SMPD3: variants seen among roughly 807,000 people sequenced by gnomAD.
SMPD3 encodes sphingomyelin phosphodiesterase 3.
Under a neutral mutation model 55.7 loss-of-function variants are expected in SMPD3, and 21 were observed. The ratio of observed to expected loss-of-function variants is 0.38; its 90% CI spans 0.27 to 0.54. The LOEUF (loss-of-function observed/expected upper bound fraction) is 0.54, where lower values mean the gene tolerates loss of function less well. Ranked by LOEUF, SMPD3 falls within the 20% of genes least tolerant of loss-of-function variation. The pLI, the probability that SMPD3 is intolerant of heterozygous loss-of-function variation, is 0.80. For missense variants in SMPD3, 842 were observed against 899.6 expected, an observed-to-expected ratio of 0.94 and a Z score of 0.82; for synonymous variants, 457 against 404.3, an observed-to-expected ratio of 1.13 and a Z score of -1.56.
chr16:68,438,529 G>A (rs2090542095), intron 1 of SMPD3, among the ~76,000 whole-genome samples: 1 of 152,088 alleles, frequency 6.6e-6, no homozygotes, highest in Non-Finnish European at 1.5e-5. Flanking sequence ...TTGCCTATGA[G>A]CTTTTTTGGT....
chr16:68,439,813 G>A (rs1186900319), intron 1 of SMPD3, among the ~76,000 whole-genome samples: 1 of 152,224 alleles, frequency 6.6e-6, no homozygotes, highest in Admixed American at 6.5e-5. Flanking sequence ...ATGGACCCAT[G>A]GCCTGCCCTA....
At chr16:68,414,783 G>A (rs1333941502) in intron 1 of SMPD3, among the ~76,000 whole-genome samples, 2 of 152,226 alleles carry the variant, frequency 1.3e-5, no homozygotes, top group African/African-American at 4.8e-5. Context: ...CACATGGGCT[G>A]CCGGGAGGGG....
In SMPD3 at chr16:68,361,223, C is replaced by G; in HGVS notation, c.1951G>C (p.Gly651Arg). The G allele has an allele frequency of 6.2e-7, 1 of 1,613,858 alleles. No homozygotes were observed. Among genetic ancestry groups the G allele is most frequent in the Non-Finnish European group, 8.5e-7 (1 of 1,179,944 alleles). The change falls in exon 9 of 9, where the codon GGG becomes CGG. Residue 651 changes from glycine (G) to arginine (R), a missense_variant. Coordinates refer to ENST00000219334, the MANE Select transcript of SMPD3 (RefSeq NM_018667.4). ...CGGACGGTCTATGCCTCCTCCTCCC[C>G]CGAAGACACCATCAGTCGCATGGCT... The part of the protein sequence containing the change: ...PVAMRLMVSS[G>R]EEEA
At chr16:68,420,225 G>A (rs1418484468) in intron 1 of SMPD3, among the ~76,000 whole-genome samples, 11 of 152,072 alleles carry the variant, frequency 7.2e-5, no homozygotes, top group Admixed American at 7.2e-4. Flanking sequence ...TTATACGTGT[G>A]AGCCACCATG....
chr16:68,372,173 C>A lies in SMPD3; in HGVS notation c.9G>T (p.Leu3Phe). 1 of 1,611,846 alleles carries A rather than the reference C, an allele frequency of 6.2e-7. No individual in the cohort carries two copies. The highest frequency in any genetic ancestry group is 8.5e-7 in the Non-Finnish European group (1 of 1,179,296). Residue 3 changes from leucine (L) to phenylalanine (F), a missense_variant, in exon 3 of 9, where the codon TTG becomes TTT. Coordinates refer to ENST00000219334, the MANE Select transcript of SMPD3 (RefSeq NM_018667.4). MV[L>F]YTTPFPNSCL... is the part of the protein sequence containing the mutation. ...AGCTGTTAGGAAAGGGGGTCGTGTA[C>A]AAAACCATCGCAGCTCACTGGGCGC...
intron 5 of SMPD3, chr16:68,364,395 T>TA: frequency 3.9e-6 from 1 of 254,532 alleles, no homozygotes; most frequent in African/African-American, 2.3e-5. Flanking sequence ...TCAGGGTTGT[T>TA]AAGACACTTA....
chr16:68,371,571 A>C lies in SMPD3; in HGVS notation c.611T>G (p.Ile204Ser), dbSNP rs372991867. The C allele has an allele frequency of 6.3e-7, 1 of 1,588,552 alleles. No homozygotes were observed. Among genetic ancestry groups the C allele is most frequent in the Non-Finnish European group, 8.6e-7 (1 of 1,169,312 alleles). Residue 204 changes from isoleucine to serine, a missense_variant, in exon 3 of 9, where the codon ATT becomes AGT. Coordinates refer to ENST00000219334, the MANE Select transcript of SMPD3 (RefSeq NM_018667.4). The stretch of plus-strand genomic sequence containing the variant: ...GTACTCCACAGAGGCTGTCCTCTTA[A>C]TGCTCCCGGGGACGGCCCGGGCCAC... ...DGVARAVPGS[I>S]KRTASVEYKG...
At chr16:68,383,460 T>C (rs1047663303) in intron 2 of SMPD3, among the ~76,000 whole-genome samples, 4 of 152,178 alleles carry the variant, frequency 2.6e-5, no homozygotes, top group East Asian at 1.9e-4. Flanking sequence ...TCAACCAGAT[T>C]GGCCTTAGGA....
chr16:68,358,467 A>G lies in SMPD3; in HGVS notation c.*2739T>C, dbSNP rs971501896. ...TTCTAGGGAAGAACCGTCTGGATAT[A>G]TATTTGATAATGTTTTTACCAAAAC... On this transcript the variant is annotated 3_prime_UTR_variant, in exon 9 of 9. Transcript: ENST00000219334. 1.3e-5 allele frequency: 2 copies of G among 152,702 alleles called. No homozygotes were observed. The highest frequency in any genetic ancestry group is 2.9e-5 in the Non-Finnish European group (2 of 68,042). 9.5% of individuals were successfully genotyped at this position (152,702 alleles called of 1,614,324 possible).
chr16:68,443,618 A>G (rs1488965684), intron 1 of SMPD3, among the ~76,000 whole-genome samples: 1 of 152,170 alleles, frequency 6.6e-6, no homozygotes, highest in East Asian at 1.9e-4. Context: ...CTGGTCATGA[A>G]GGTCATTATA....
chr16:68,443,934 G>T (rs2090587262), intron 1 of SMPD3, among the ~76,000 whole-genome samples: 2 of 152,252 alleles, frequency 1.3e-5, no homozygotes, highest in Admixed American at 1.3e-4. Context: ...CTCAAAGCTT[G>T]GTTTCCTCAC....
chr16:68,437,228 TG>T (rs1166023415), intron 1 of SMPD3, among the ~76,000 whole-genome samples: 2 of 152,380 alleles, frequency 1.3e-5, no homozygotes, highest in African/African-American at 4.8e-5. Context: ...TACTTGGTCC[TG>T]GCTGATGAAG....
intron 8 of SMPD3, 39 bp downstream of exon 8, chr16:68,361,558 GCTCTCT>G: frequency 6.3e-7 from 1 of 1,597,804 alleles, no homozygotes; most frequent in Non-Finnish European, 8.5e-7. Context: ...CCCGGGCCCT[GCTCTCT>G]CTTTGCATGG....
chr16:68,377,424 C>T (rs1431124987), intron 2 of SMPD3, among the ~76,000 whole-genome samples: 7 of 152,222 alleles, frequency 4.6e-5, no homozygotes, highest in East Asian at 3.8e-4. Context: ...CCCCAGACTG[C>T]GGCTGCTCCT....
At chr16:68,401,719 A>G (rs1043739502) in intron 1 of SMPD3, among the ~76,000 whole-genome samples, 1 of 152,220 alleles carries the variant, frequency 6.6e-6, no homozygotes, top group Non-Finnish European at 1.5e-5. Flanking sequence ...AGAATTTCAT[A>G]GGTACAAGGC....
chr16:68,385,803 A>G (rs983811902), intron 2 of SMPD3, among the ~76,000 whole-genome samples: 2 of 152,272 alleles, frequency 1.3e-5, no homozygotes, highest in Non-Finnish European at 2.9e-5. Flanking sequence ...AGAATTACTC[A>G]GTAAACTTTA....
intron 2 of SMPD3, among the ~76,000 whole-genome samples, chr16:68,376,978 T>C (rs1408877124): frequency 6.6e-6 from 1 of 152,196 alleles, no homozygotes; most frequent in Non-Finnish European, 1.5e-5. Flanking sequence ...TACCCGCTCC[T>C]GGTAGGACCT....
At chr16:68,423,964 T>G (rs113458349) in intron 1 of SMPD3, among the ~76,000 whole-genome samples, 1 of 151,832 alleles carries the variant, frequency 6.6e-6, no homozygotes, top group African/African-American at 2.4e-5. Flanking sequence ...CGGTGAACAG[T>G]CCACAGTGAG....
chr16:68,399,291 C>G (rs576941427), intron 1 of SMPD3, among the ~76,000 whole-genome samples: 1 of 152,194 alleles, frequency 6.6e-6, no homozygotes, highest in Non-Finnish European at 1.5e-5. Flanking sequence ...TTACCTGGCT[C>G]CTGCTCTGGG....
Sources: gnomAD v4.1 joint callset for allele counts (sites outside exome capture counted in the v4.1 genomes callset) on GRCh38, gnomAD v4.1.1 for gene constraint, MANE v1.5 for transcripts, NCBI Gene and HGNC (gene_info 2026-07-23, HGNC 2026-07-21) for gene names.